POLA1: variants seen among roughly 807,000 people sequenced by gnomAD.
POLA1 encodes the protein DNA polymerase alpha 1, catalytic subunit, also known as DNA polymerase alpha catalytic subunit.
In POLA1, 15 loss-of-function variants were observed where a neutral mutation model predicts 124.0. The ratio of observed to expected loss-of-function variants is 0.12; its 90% CI spans 0.08 to 0.19. POLA1 has a LOEUF of 0.19. Ranked by LOEUF, POLA1 falls within the 10% of genes least tolerant of loss-of-function variation. The pLI, the probability that POLA1 is intolerant of heterozygous loss-of-function variation, is 1.00. For missense variants in POLA1, 886 were observed against 1,103.4 expected, an observed-to-expected ratio of 0.80 and a Z score of 2.79; for synonymous variants, 408 against 389.4, an observed-to-expected ratio of 1.05 and a Z score of -0.56.
At chrX:24,713,692 GGCGTGAGCCACC>G (rs1333010785) in intron 4 of POLA1, among the ~76,000 whole-genome samples, 6 of 112,514 alleles carry the variant, frequency 5.3e-5, no homozygotes, top group African/African-American at 1.9e-4. Context: ...TGGGATTACA[GGCGTGAGCCACC>G]GCACCCGGCC....
In POLA1 at chrX:24,909,975, G is replaced by A. The variant is rs761583104; in HGVS notation, c.4165-20478G>A. Among the ~76,000 whole-genome samples, 17 of 110,744 alleles carry A rather than the reference G, an allele frequency of 1.5e-4. No homozygotes were observed. In the East Asian group the frequency reaches 4.0e-3, roughly 26 times the overall value. ...ACATCCCTTGTAAGGTGGATTCCTA[G>A]GTATTTTATTCTCTTTGAAGCAAAT... On this transcript the variant is annotated intron_variant, in intron 35 of 36. Coordinates refer to ENST00000379068, the MANE Select transcript of POLA1 (RefSeq NM_001330360.2).
intron 26 of POLA1, among the ~76,000 whole-genome samples, chrX:24,749,870 G>C (rs1018912273): frequency 8.9e-6 from 1 of 112,062 alleles, no homozygotes; most frequent in Non-Finnish European, 1.9e-5. Flanking sequence ...ATGTGCATGG[G>C]TTTTTCTTAA....
At chrX:24,956,783 ACTCTACTAT>A (rs1314734687) in intron 36 of POLA1, among the ~76,000 whole-genome samples, 3 of 112,043 alleles carry the variant, frequency 2.7e-5, no homozygotes, top group Non-Finnish European at 5.6e-5. Flanking sequence ...AAAATTCAAG[ACTCTACTAT>A]CTCCTGAACT....
chrX:24,751,289 C>T (rs1932308642), intron 26 of POLA1, among the ~76,000 whole-genome samples: 1 of 112,025 alleles, frequency 8.9e-6, no homozygotes, highest in South Asian at 3.7e-4. Context: ...CTCCCCCACT[C>T]TCCTAATCCA....
chrX:24,943,677 T>C (rs1428697792), intron 36 of POLA1, among the ~76,000 whole-genome samples: 1 of 112,573 alleles, frequency 8.9e-6, no homozygotes, highest in Admixed American at 9.4e-5. Context: ...ATCAGTATGC[T>C]ACAAAGAAAT....
chrX:24,970,016 G>A (rs187126134), intron 36 of POLA1, among the ~76,000 whole-genome samples: 1 of 112,311 alleles, frequency 8.9e-6, no homozygotes, highest in South Asian at 3.7e-4. Context: ...CTTTTTTATG[G>A]CTGCATAGTA....
chrX:24,792,957 C>T (rs1488503913), intron 26 of POLA1, among the ~76,000 whole-genome samples: 11 of 111,050 alleles, frequency 9.9e-5, no homozygotes, highest in African/African-American at 3.6e-4. Context: ...CAAAGGCTTG[C>T]TCTTTAAAGA....
intron 36 of POLA1, among the ~76,000 whole-genome samples, chrX:24,958,408 A>G (rs749271922): frequency 4.5e-5 from 5 of 111,699 alleles, no homozygotes; most frequent in Non-Finnish European, 9.4e-5. Flanking sequence ...AATCTTTCCA[A>G]TCCATCTACC....
At chrX:24,725,548 C>T (rs1464725222) in intron 12 of POLA1, among the ~76,000 whole-genome samples, 1 of 110,939 alleles carries the variant, frequency 9.0e-6, no homozygotes, top group Non-Finnish European at 1.9e-5. Flanking sequence ...GGCCCTATTT[C>T]AAGAGTTGCC....
chrX:24,734,099 A>C, intron 17 of POLA1: 2 of 166,437 alleles, frequency 1.2e-5, no homozygotes, highest in Non-Finnish European at 2.3e-5. Context: ...CTTCTCTAAA[A>C]TGCATGATCA....
At chrX:24,865,582 A>G (rs780428481) in intron 34 of POLA1, among the ~76,000 whole-genome samples, 43 of 112,076 alleles carry the variant, frequency 3.8e-4, no homozygotes, top group African/African-American at 1.3e-3. Context: ...AACTATTAAA[A>G]CACAGAGATT....
chrX:24,824,618 A>T, intron 31 of POLA1, among the ~76,000 whole-genome samples: 2 of 110,156 alleles, frequency 1.8e-5, no homozygotes, highest in Middle Eastern at 4.6e-3. Context: ...CGAAGGATGT[A>T]TCTTAGGTCA....
chrX:24,951,343 A>AG (rs2048039914), intron 36 of POLA1, among the ~76,000 whole-genome samples: 1 of 40,937 alleles, frequency 2.4e-5, no homozygotes, highest in Non-Finnish European at 4.6e-5. Context: ...ACACCTCCCT[A>AG]CCCCCCCCCC....
At chrX:24,906,539 G>C (rs765862599) in intron 35 of POLA1, among the ~76,000 whole-genome samples, 16 of 107,470 alleles carry the variant, frequency 1.5e-4, no homozygotes, top group Non-Finnish European at 2.7e-4. Context: ...AGGATGGAGG[G>C]GGTGAGGAAT....
chrX:24,893,155 T>G (rs751872250), intron 35 of POLA1, among the ~76,000 whole-genome samples: 2 of 111,680 alleles, frequency 1.8e-5, no homozygotes, highest in East Asian at 5.6e-4. Flanking sequence ...ATGAAAATAA[T>G]TGTGGTCTCT....
At chrX:24,905,487 A>G (rs1243177237) in intron 35 of POLA1, among the ~76,000 whole-genome samples, 2 of 107,961 alleles carry the variant, frequency 1.9e-5, no homozygotes, top group Admixed American at 1.0e-4. Flanking sequence ...TGATAATAAT[A>G]TTAGAATTAT....
intron 34 of POLA1, among the ~76,000 whole-genome samples, chrX:24,881,355 A>G (rs1042885420): frequency 4.5e-5 from 5 of 111,716 alleles, no homozygotes; most frequent in African/African-American, 1.6e-4. Flanking sequence ...GATAATAACA[A>G]TATTTTACAT....
At chrX:24,794,523 A>G (rs961714507) in intron 26 of POLA1, among the ~76,000 whole-genome samples, 1 of 112,568 alleles carries the variant, frequency 8.9e-6, no homozygotes, top group Non-Finnish European at 1.9e-5. Context: ...TACCTAAGCA[A>G]TAAAAGCAAG....
At chrX:24,953,334 T>C (rs2048069883) in intron 36 of POLA1, among the ~76,000 whole-genome samples, 1 of 112,392 alleles carries the variant, frequency 8.9e-6, no homozygotes. Flanking sequence ...TTACCATGCA[T>C]CAGGCATAAA....
Sources: gnomAD v4.1 joint callset for allele counts (sites outside exome capture counted in the v4.1 genomes callset) on GRCh38, gnomAD v4.1.1 for gene constraint, MANE v1.5 for transcripts, NCBI Gene and HGNC (gene_info 2026-07-23, HGNC 2026-07-21) for gene names.